Variants in ERBB4 observed in about 807,000 individuals in gnomAD.
ERBB4 encodes receptor tyrosine-protein kinase erbB-4.
A neutral mutation model predicts 158.0 loss-of-function variants in ERBB4; 42 were observed. That is an observed-to-expected ratio of 0.27 (90% CI 0.21 to 0.34). The LOEUF (loss-of-function observed/expected upper bound fraction) is 0.34, where lower values mean the gene tolerates loss of function less well. Among genes scored for constraint, ERBB4 ranks in the 10% least tolerant of loss-of-function variants. ERBB4 has a pLI of 1.00. For synonymous variants in ERBB4, 583 were observed against 558.7 expected (o/e 1.04, Z -0.61); for missense variants, 1,333 against 1,624.1 (o/e 0.82, Z 3.08).
chr2:212,096,502 C>T lies in ERBB4; in HGVS notation c.234+28250G>A, dbSNP rs977892291. On this transcript the variant is annotated intron_variant, in intron 2 of 27. Transcript: ENST00000342788. ...GTTATGAAAACAAAGTTTAAAGGAC[C>T]GTTTTGTTCTTCAAAATAAAATAAA... Among the ~76,000 whole-genome samples the T allele has an allele frequency of 2.6e-5, 4 of 151,954 alleles. No individual in the cohort carries two copies. In the East Asian group the frequency reaches 7.7e-4, roughly 29 times the overall value.
At chr2:212,067,565 T>C (rs948363843) in intron 2 of ERBB4, among the ~76,000 whole-genome samples, 3 of 151,962 alleles carry the variant, frequency 2.0e-5, no homozygotes, top group African/African-American at 7.2e-5. Context: ...TTATGTAAAC[T>C]TCAAGGTACA....
In ERBB4 at chr2:211,428,491, G is replaced by T. The variant is rs2063682721; in HGVS notation, c.2644-8C>A. ...CATCCATTTAATTGGCATCTATAGA[G>T]AAGTAAGAAGTAAAAGTTTTAAAAT... On this transcript the variant is annotated splice_polypyrimidine_tract_variant and splice_region_variant and intron_variant, in intron 21 of 27. Transcript: ENST00000342788. The T allele has an allele frequency of 2.8e-6, 4 of 1,440,904 alleles. No homozygotes were observed. The highest frequency in any genetic ancestry group is 1.7e-5 in the Admixed American group (1 of 59,650). 89.3% of individuals were successfully genotyped at this position (1,440,904 alleles called of 1,614,324 possible). A position where few individuals can be genotyped will look rare whatever the true frequency, so the allele number is the denominator to read the frequency against.
intron 2 of ERBB4, among the ~76,000 whole-genome samples, chr2:212,086,883 T>A (rs990016155): frequency 6.6e-6 from 1 of 152,010 alleles, no homozygotes; most frequent in Admixed American, 6.6e-5. Context: ...AAAGATAAAC[T>A]GAACTCCAAG....
intron 1 of ERBB4, among the ~76,000 whole-genome samples, chr2:212,252,216 G>A (rs549739313): frequency 1.3e-5 from 2 of 151,940 alleles, no homozygotes; most frequent in African/African-American, 4.8e-5. Flanking sequence ...AAATCACGAC[G>A]ATGGATATGA....
intron 1 of ERBB4, among the ~76,000 whole-genome samples, chr2:212,355,321 C>G (rs986554427): frequency 6.6e-6 from 1 of 151,994 alleles, no homozygotes; most frequent in Non-Finnish European, 1.5e-5. Flanking sequence ...TATAAGCAAA[C>G]TATCAGCTCC....
chr2:211,992,567 GAA>G (rs780595071), intron 2 of ERBB4, among the ~76,000 whole-genome samples: 14 of 125,220 alleles, frequency 1.1e-4, no homozygotes, highest in African/African-American at 2.0e-4. Context: ...GAGAGAGAGA[GAA>G]AAAAAAAAAA....
intron 1 of ERBB4, among the ~76,000 whole-genome samples, chr2:212,519,644 G>A (rs1692038635): frequency 6.6e-6 from 1 of 151,778 alleles, no homozygotes; most frequent in Non-Finnish European, 1.5e-5. Flanking sequence ...GGGCAACCTG[G>A]GTGAATCTGT....
At chr2:211,752,113 G>A (rs1265948260) in intron 4 of ERBB4, among the ~76,000 whole-genome samples, 1 of 152,018 alleles carries the variant, frequency 6.6e-6, no homozygotes, top group Admixed American at 6.5e-5. Flanking sequence ...GACAGGAAAA[G>A]GACTCCATCT....
intron 1 of ERBB4, among the ~76,000 whole-genome samples, chr2:212,526,575 A>G (rs1692457662): frequency 6.6e-6 from 1 of 152,042 alleles, no homozygotes; most frequent in Non-Finnish European, 1.5e-5. Flanking sequence ...ACTGGGAAAT[A>G]TTATTAACTG....
At chr2:212,170,471 T>C (rs984409605) in intron 1 of ERBB4, among the ~76,000 whole-genome samples, 1 of 152,166 alleles carries the variant, frequency 6.6e-6, no homozygotes, top group African/African-American at 2.4e-5. Flanking sequence ...TTTGCTTAAA[T>C]AACAAGGAGC....
In ERBB4 at chr2:211,662,712, A is replaced by G. The variant is rs188864254; in HGVS notation, c.1871+2611T>C. Among the ~76,000 whole-genome samples the G allele has an allele frequency of 6.6e-5, 10 of 152,362 alleles. No homozygotes were observed. In the East Asian group the frequency reaches 1.9e-3, roughly 29 times the overall value. ...TAGATGACCTATTTTAAAAGTGTCT[A>G]GAGAGCTTGTTAGAGCCATTATATT... On this transcript the variant is annotated intron_variant, in intron 15 of 27. Transcript: ENST00000342788.
chr2:211,775,619 T>C (rs1254684749), intron 4 of ERBB4, among the ~76,000 whole-genome samples: 1 of 152,188 alleles, frequency 6.6e-6, no homozygotes, highest in Non-Finnish European at 1.5e-5. Context: ...CCAATATGCT[T>C]ACCATGTTAT....
intron 4 of ERBB4, among the ~76,000 whole-genome samples, chr2:211,769,064 C>A (rs1017348180): frequency 2.0e-5 from 3 of 152,178 alleles, no homozygotes; most frequent in African/African-American, 7.2e-5. Flanking sequence ...ATCTTGAATG[C>A]TTTGCTGTTT....
intron 20 of ERBB4, among the ~76,000 whole-genome samples, chr2:211,476,837 C>G (rs2064966400): frequency 6.6e-6 from 1 of 152,056 alleles, no homozygotes; most frequent in African/African-American, 2.4e-5. Flanking sequence ...AAACTACACT[C>G]TAACAAGGCA....
intron 2 of ERBB4, among the ~76,000 whole-genome samples, chr2:212,001,398 T>C (rs1408508767): frequency 1.3e-5 from 2 of 152,186 alleles, no homozygotes; most frequent in African/African-American, 2.4e-5. Context: ...TTTGAGTCTA[T>C]TGATTTTATA....
chr2:211,508,716 T>C (rs1228736678), intron 20 of ERBB4, among the ~76,000 whole-genome samples: 1 of 152,150 alleles, frequency 6.6e-6, no homozygotes, highest in Non-Finnish European at 1.5e-5. Context: ...CATACATATG[T>C]GTATTACTAT....
At chr2:212,265,147 A>C (rs2085083965) in intron 1 of ERBB4, among the ~76,000 whole-genome samples, 1 of 152,132 alleles carries the variant, frequency 6.6e-6, no homozygotes, top group East Asian at 1.9e-4. Flanking sequence ...AAGGGAAGAC[A>C]AATAGGACCA....
intron 20 of ERBB4, among the ~76,000 whole-genome samples, chr2:211,520,398 A>G (rs542035363): frequency 1.3e-5 from 2 of 152,280 alleles, no homozygotes; most frequent in East Asian, 3.9e-4. Flanking sequence ...GAGATTATGT[A>G]AAACATGGGT....
chr2:211,515,628 C>G (rs1489340747), intron 20 of ERBB4, among the ~76,000 whole-genome samples: 1 of 151,590 alleles, frequency 6.6e-6, no homozygotes, highest in Non-Finnish European at 1.5e-5. Flanking sequence ...GTTGCAAACT[C>G]ACTCTGTGAA....
Sources: gnomAD v4.1 joint callset for allele counts (sites outside exome capture counted in the v4.1 genomes callset) on GRCh38, gnomAD v4.1.1 for gene constraint, MANE v1.5 for transcripts, NCBI Gene and HGNC (gene_info 2026-07-23, HGNC 2026-07-21) for gene names.